The following GPAM variants were observed in gnomAD, a reference collection of about 807,000 sequenced individuals.
GPAM encodes glycerol-3-phosphate acyltransferase, mitochondrial, also known as glycerol-3-phosphate acyltransferase 1, mitochondrial.
Under a neutral mutation model 105.0 loss-of-function variants are expected in GPAM, and 56 were observed. That is an observed-to-expected ratio of 0.53 (90% CI 0.43 to 0.67). GPAM has a LOEUF of 0.67. GPAM is among the 30% of genes least tolerant of loss of function. The probability of loss-of-function intolerance (pLI) is 0.00; values close to 1 mark genes in which losing one functional copy is unlikely to be tolerated. For missense variants in GPAM, 855 were observed against 989.8 expected, an observed-to-expected ratio of 0.86 and a Z score of 1.83; for synonymous variants, 368 against 354.4, an observed-to-expected ratio of 1.04 and a Z score of -0.43.
chr10:112,227,199 C>A, the GPAM span, among the ~76,000 whole-genome samples: 9 of 152,332 alleles, frequency 5.9e-5, 1 homozygote, highest in South Asian at 1.9e-3. Context: ...ATCAACACAG[C>A]ATCTTCCTCC....
intron 1 of GPAM, among the ~76,000 whole-genome samples, chr10:112,189,064 A>T (rs140329676): frequency 2.0e-4 from 30 of 152,334 alleles, no homozygotes; most frequent in African/African-American, 7.0e-4. Context: ...GTATAATAGC[A>T]TTGCTCTACA....
At chr10:112,211,601 T>A (rs1262729148) in intron 1 of GPAM, among the ~76,000 whole-genome samples, 1 of 152,212 alleles carries the variant, frequency 6.6e-6, no homozygotes, top group Non-Finnish European at 1.5e-5. Flanking sequence ...TGTGATTTTT[T>A]AAATGTCGGT....
At chr10:112,221,261 A>G in the GPAM span, among the ~76,000 whole-genome samples, 18 of 152,296 alleles carry the variant, frequency 1.2e-4, no homozygotes, top group Admixed American at 4.6e-4. Context: ...TGTGGACATA[A>G]TATGCACTTG....
upstream of GPAM, among the ~76,000 whole-genome samples, chr10:112,219,879 C>T (rs1848002755): frequency 6.6e-6 from 1 of 152,106 alleles, no homozygotes; most frequent in Admixed American, 6.5e-5. Flanking sequence ...AAATGATAGC[C>T]CTTCCCTAAA....
chr10:112,202,915 G>A (rs1324982609), intron 1 of GPAM, among the ~76,000 whole-genome samples: 2 of 152,188 alleles, frequency 1.3e-5, no homozygotes, highest in African/African-American at 4.8e-5. Context: ...TCTTAAGACC[G>A]AATATCAGCA....
rs563656434 is a variant in GPAM at position 112,195,572 on chromosome 10, T to C, written n.211-12681A>G. On this transcript the variant is annotated intron_variant and non_coding_transcript_variant, in intron 1 of 3. Coordinates refer to the GPAM transcript ENST00000480130. ...GACCCTTCAGACTAAGGCAGGCCCC[T>C]TTCTTAAGTTTCTTCCCCATGGGAA... Among the ~76,000 whole-genome samples the C allele has an allele frequency of 2.0e-5, 3 of 152,348 alleles. No homozygotes were observed. In the East Asian group the frequency reaches 5.8e-4, roughly 29 times the overall value.
chr10:112,218,645 G>A (rs1222270490), upstream of GPAM, among the ~76,000 whole-genome samples: 3 of 152,198 alleles, frequency 2.0e-5, no homozygotes, highest in Middle Eastern at 3.2e-3. Flanking sequence ...CATAGACAGA[G>A]CAGCAGCATG....
chr10:112,178,967 T>G (rs1847457154), intron 4 of GPAM, among the ~76,000 whole-genome samples: 1 of 152,206 alleles, frequency 6.6e-6, no homozygotes, highest in Non-Finnish European at 1.5e-5. Flanking sequence ...GAAAAGATAG[T>G]CTATAGCTTT....
intron 5 of GPAM, among the ~76,000 whole-genome samples, chr10:112,176,983 T>C (rs1238993926): frequency 6.6e-6 from 1 of 152,170 alleles, no homozygotes; most frequent in Non-Finnish European, 1.5e-5. Context: ...ATATAAAATA[T>C]CTACTTACAT....
intron 4 of GPAM, among the ~76,000 whole-genome samples, chr10:112,178,569 C>A (rs1340060985): frequency 1.2e-5 from 1 of 81,990 alleles, no homozygotes; most frequent in Non-Finnish European, 2.9e-5. Context: ...AAAACAAAAA[C>A]AAAAAACAAA....
At position 112,150,357 on chromosome 10, in the gene GPAM, ACGTT is replaced by A; in HGVS notation, c.*3189_*3192del. On this transcript the variant is annotated 3_prime_UTR_variant, in exon 22 of 22. Transcript: ENST00000348367. ...CCCCAATTCATCCATGTATTCTGAT[ACGTT>A]CAGTGAAAAAGCCAGGATCATTGGG... 1.0e-6 allele frequency: 1 copy of A among 985,152 alleles called. No individual in the cohort carries two copies. Among genetic ancestry groups the A allele is most frequent in the South Asian group, 4.7e-5 (1 of 21,280 alleles). The allele number at this position is 985,152 out of a possible 1,614,324, so 61.0% of individuals were successfully genotyped here. A position where few individuals can be genotyped will look rare whatever the true frequency, so the allele number is the denominator to read the frequency against.
At chr10:112,167,529 C>T (rs1356920709) in intron 11 of GPAM, among the ~76,000 whole-genome samples, 1 of 152,192 alleles carries the variant, frequency 6.6e-6, no homozygotes, top group African/African-American at 2.4e-5. Context: ...GAATACTACA[C>T]AGCTATGAGA....
At chr10:112,184,904 T>G (rs1426874256), upstream of GPAM, among the ~76,000 whole-genome samples, 2 of 152,152 alleles carry the variant, frequency 1.3e-5, no homozygotes, top group South Asian at 2.1e-4. Context: ...GTGAGGAAGC[T>G]ACCTAAGGGC....
chr10:112,183,582 G>A (rs1847547250), intron 1 of GPAM, 111 bp downstream of exon 1: 1 of 152,402 alleles, frequency 6.6e-6, no homozygotes. Flanking sequence ...GGGAATAGGG[G>A]ACACGACTGC....
At chr10:112,179,082 A>G (rs150090350) in intron 4 of GPAM, among the ~76,000 whole-genome samples, 4 of 152,250 alleles carry the variant, frequency 2.6e-5, no homozygotes, top group African/African-American at 9.6e-5. Context: ...TTTAGAGAAA[A>G]GGAAAATACG....
intron 1 of GPAM, among the ~76,000 whole-genome samples, chr10:112,210,751 G>A (rs1847901974): frequency 6.6e-6 from 1 of 152,184 alleles, no homozygotes; most frequent in African/African-American, 2.4e-5. Flanking sequence ...CAGAGTTTCT[G>A]CTCTGTCTGG....
At chr10:112,162,712 G>A (rs529947863) in intron 14 of GPAM, among the ~76,000 whole-genome samples, 1 of 152,120 alleles carries the variant, frequency 6.6e-6, no homozygotes, top group South Asian at 2.1e-4. Flanking sequence ...TGTTATAAAT[G>A]GAAAGCTGCA....
intron 12 of GPAM, among the ~76,000 whole-genome samples, chr10:112,165,736 T>A (rs1276939754): frequency 6.6e-6 from 1 of 152,032 alleles, no homozygotes; most frequent in South Asian, 2.1e-4. Flanking sequence ...TTTGGAAAAA[T>A]TTCCCCTAAA....
intron 20 of GPAM, 113 bp downstream of exon 20, chr10:112,155,751 G>T: frequency 1.5e-6 from 1 of 662,524 alleles, no homozygotes; most frequent in Non-Finnish European, 2.7e-6. Context: ...AATACTCTAC[G>T]GTGTTAGAGG....
Sources: allele counts gnomAD v4.1 joint callset (sites outside exome capture counted in the v4.1 genomes callset), GRCh38; gene constraint gnomAD v4.1.1; transcripts MANE v1.5; gene names NCBI Gene and HGNC (gene_info 2026-07-23, HGNC 2026-07-21).